FGFR1: variants seen among roughly 807,000 people sequenced by gnomAD.
FGFR1 encodes the protein fibroblast growth factor receptor 1, also known as FGFR1/PLAG1 fusion.
FGFR1 carries 18 observed loss-of-function variants against 93.7 expected under a neutral mutation model. That is an observed-to-expected ratio of 0.19 (90% CI 0.13 to 0.28). FGFR1 has a LOEUF of 0.28. Among genes scored for constraint, FGFR1 ranks in the 10% least tolerant of loss-of-function variants. FGFR1 has a pLI of 1.00. For synonymous variants in FGFR1, 448 were observed against 429.3 expected, an observed-to-expected ratio of 1.04 and a Z score of -0.54; for missense variants, 731 against 1,080.4, an observed-to-expected ratio of 0.68 and a Z score of 4.53.
At chr8:38,434,441 C>A in intron 2 of FGFR1, 1 of 394,864 alleles carries the variant, frequency 2.5e-6, no homozygotes, top group South Asian at 2.8e-5. Context: ...TGATGGAAGT[C>A]AACTGCTTAA....
intron 9 of FGFR1, 136 bp from the exon 10 acceptor site, chr8:38,418,509 G>T: frequency 9.0e-7 from 1 of 1,114,190 alleles, no homozygotes. Flanking sequence ...ACACAGAGTG[G>T]TCCAAAGACC....
intron 2 of FGFR1, among the ~76,000 whole-genome samples, chr8:38,453,360 C>G (rs1261330643): frequency 6.6e-6 from 1 of 152,246 alleles, no homozygotes; most frequent in African/African-American, 2.4e-5. Flanking sequence ...GCCTACGGAC[C>G]AGGCAATGTC....
At chr8:38,449,814 C>T (rs947182724) in intron 2 of FGFR1, among the ~76,000 whole-genome samples, 2 of 152,234 alleles carry the variant, frequency 1.3e-5, no homozygotes, top group Admixed American at 1.3e-4. Flanking sequence ...CCCTAGTTTG[C>T]AGGGCACAAA....
Position 38,424,725 on chromosome 8 carries a change from T to C in FGFR1, c.746-26A>G, listed in dbSNP as rs770341640. On this transcript the variant is annotated intron_variant, in intron 6 of 17. Transcript: ENST00000447712. This position sits in a 1 kb window ranked among gnomAD's most constrained non-coding sequence, Gnocchi z 4.3. ...CTGTGGAAGATGGGAGAGGAGGCACTTGTCATGGGGACCTTGCCATGGCTA... is the reference window on the plus strand; with the variant it reads ...CTGTGGAAGATGGGAGAGGAGGCACCTGTCATGGGGACCTTGCCATGGCTA... 2.5e-6 allele frequency: 4 copies of C among 1,604,038 alleles called. No homozygotes were observed. The African/African-American group carries it at 4.0e-5, about 16-fold the overall frequency.
At chr8:38,453,468 T>C (rs191933990) in intron 2 of FGFR1, among the ~76,000 whole-genome samples, 42 of 152,334 alleles carry the variant, frequency 2.8e-4, no homozygotes, top group Admixed American at 2.0e-3. Context: ...AAAGAGGAAC[T>C]TCCCCAAGAG....
chr8:38,424,481 G>A lies in FGFR1; in HGVS notation c.936+28C>T. The A allele has an allele frequency of 1.2e-6, 2 of 1,613,708 alleles. No individual in the cohort carries two copies. Among genetic ancestry groups the A allele is most frequent in the Non-Finnish European group, 1.7e-6 (2 of 1,179,680 alleles). Reference sequence around the variant, plus strand: ...ACAGTGGTCTCCTTCCCAGTAGACTGGCCCACGAAGACTGGTGCCATGATT... The same window carrying A: ...ACAGTGGTCTCCTTCCCAGTAGACTAGCCCACGAAGACTGGTGCCATGATT... On this transcript the variant is annotated intron_variant, in intron 7 of 17. Transcript: ENST00000447712. This position sits in a 1 kb window ranked among gnomAD's most constrained non-coding sequence, Gnocchi z 4.3.
intron 2 of FGFR1, among the ~76,000 whole-genome samples, chr8:38,455,602 T>G (rs1271338714): frequency 6.6e-6 from 1 of 152,156 alleles, no homozygotes; most frequent in Non-Finnish European, 1.5e-5. Context: ...TAAGTATAGT[T>G]TTCTTAGCAG....
Position 38,416,068 on chromosome 8 carries a change from C to T in FGFR1, c.1664-8G>A, listed in dbSNP as rs1452770348. On this transcript the variant is annotated splice_region_variant and splice_polypyrimidine_tract_variant and intron_variant, in intron 12 of 17. Coordinates refer to ENST00000447712, the MANE Select transcript of FGFR1 (RefSeq NM_023110.3). ...CGATGACATACAAGGGACCTGCAGGCACAGGAGAAGAGGCCATGGGGCCAG... is the reference window on the plus strand; with the variant it reads ...CGATGACATACAAGGGACCTGCAGGTACAGGAGAAGAGGCCATGGGGCCAG... The T allele has an allele frequency of 6.2e-7, 1 of 1,608,104 alleles. No homozygotes were observed. The highest frequency in any genetic ancestry group is 1.7e-5 in the Admixed American group (1 of 59,460).
intron 2 of FGFR1, among the ~76,000 whole-genome samples, chr8:38,448,343 G>A (rs544405082): frequency 1.3e-5 from 2 of 149,398 alleles, no homozygotes; most frequent in Admixed American, 6.7e-5. Flanking sequence ...GAAGTGGTGC[G>A]ATCTCGGCTC....
chr8:38,444,387 GTT>G (rs112231725), intron 2 of FGFR1, among the ~76,000 whole-genome samples: 3 of 133,732 alleles, frequency 2.2e-5, no homozygotes, highest in Non-Finnish European at 4.9e-5. Flanking sequence ...CATGGTTCGG[GTT>G]TTTTTTTTTT....
At chr8:38,441,736 T>G (rs1827555538) in intron 2 of FGFR1, among the ~76,000 whole-genome samples, 1 of 152,172 alleles carries the variant, frequency 6.6e-6, no homozygotes, top group South Asian at 2.1e-4. Flanking sequence ...AGCACCAGAA[T>G]CCAGCCTTGG....
chr8:38,440,242 G>A lies in FGFR1; in HGVS notation c.92-10294C>T, dbSNP rs61483004. On this transcript the variant is annotated intron_variant, in intron 2 of 17. Coordinates refer to ENST00000447712, the MANE Select transcript of FGFR1 (RefSeq NM_023110.3). ...GCACAGAACAGCGCAGCGGGGCTCC[G>A]GGGGCCCTCTGCAGAGGTTTTTTTA... is the stretch of plus-strand genomic sequence containing the variant. The A allele has an allele frequency of 1.0e-3, 1,467 of 1,425,644 alleles. 8 individuals are homozygous for A. In the African/African-American group the frequency reaches 0.018, roughly 17 times the overall value. 88.3% of individuals were successfully genotyped at this position (1,425,644 alleles called of 1,614,324 possible).
At chr8:38,464,309 T>A (rs1835046180) in intron 1 of FGFR1, among the ~76,000 whole-genome samples, 3 of 63,454 alleles carry the variant, frequency 4.7e-5, no homozygotes, top group Non-Finnish European at 5.5e-5. Context: ...AGCGAGACTA[T>A]CTCAAAAAAA....
rs776590352 is a variant in FGFR1, at chr8:38,414,760, C to T, written c.1977+19G>A. On this transcript the variant is annotated intron_variant, in intron 14 of 17. Coordinates refer to ENST00000447712, the MANE Select transcript of FGFR1 (RefSeq NM_023110.3). ...CTCAGATGAAACCACCAGCACAGGG[C>T]GGCCTTGTCGGCACTCACGTTGGTT... The T allele has an allele frequency of 4.5e-5, 72 of 1,613,814 alleles. No homozygotes were observed. The highest frequency in any genetic ancestry group is 9.9e-5 in the South Asian group (9 of 91,090).
intron 2 of FGFR1, 76 bp from the exon 3 acceptor site, chr8:38,430,024 A>C: frequency 2.1e-6 from 3 of 1,443,698 alleles, no homozygotes; most frequent in Non-Finnish European, 2.8e-6. Flanking sequence ...GAGGGGAGAG[A>C]CAAAGGGAAT....
chr8:38,444,051 CAAAAAAAAAAAAAAAA>C (rs746296068), intron 2 of FGFR1, among the ~76,000 whole-genome samples: 1 of 74,352 alleles, frequency 1.3e-5, no homozygotes, highest in East Asian at 4.6e-4. Flanking sequence ...GAAACTGTCT[CAAAAAAAAAAAAAAAA>C]AAAAAAAAAA....
intron 10 of FGFR1, 100 bp downstream of exon 10, chr8:38,418,128 G>A: frequency 1.9e-6 from 3 of 1,605,402 alleles, no homozygotes; most frequent in Non-Finnish European, 2.6e-6. Flanking sequence ...GGCATTTCAT[G>A]AACCTTCACC....
chr8:38,432,913 C>G (rs562398334), intron 2 of FGFR1, among the ~76,000 whole-genome samples: 8 of 137,664 alleles, frequency 5.8e-5, no homozygotes, highest in South Asian at 2.6e-4. Context: ...ACCGCGCCCC[C>G]CCCCCTCCCC....
chr8:38,449,293 T>C (rs903388399), intron 2 of FGFR1, among the ~76,000 whole-genome samples: 1 of 152,032 alleles, frequency 6.6e-6, no homozygotes, highest in Admixed American at 6.6e-5. Flanking sequence ...AACAGATATT[T>C]CCAGCTAAGG....
Sources: gnomAD v4.1 joint callset for allele counts (sites outside exome capture counted in the v4.1 genomes callset) on GRCh38, gnomAD v4.1.1 for gene constraint, Gnocchi (gnomAD v3.1) non-coding constraint, MANE v1.5 for transcripts, NCBI Gene and HGNC (gene_info 2026-07-23, HGNC 2026-07-21) for gene names.